ITGA7: variants seen among roughly 807,000 people sequenced by gnomAD.
ITGA7 encodes the protein integrin alpha-7.
Under a neutral mutation model 131.6 loss-of-function variants are expected in ITGA7, and 84 were observed. That is an observed-to-expected ratio of 0.64 (90% CI 0.54 to 0.77). The LOEUF (loss-of-function observed/expected upper bound fraction) is 0.77. ITGA7 is among the 30% of genes least tolerant of loss of function. The pLI is 0.00. For missense variants in ITGA7, 1,399 were observed against 1,482.9 expected, an observed-to-expected ratio of 0.94 and a Z score of 0.93; for synonymous variants, 548 against 600.7, an observed-to-expected ratio of 0.91 and a Z score of 1.28.
In ITGA7 at chr12:55,685,134, T is replaced by C. The variant is rs1869785158; in HGVS notation, c.3338A>G (p.Asp1113Gly). Residue 1113 changes from aspartate (D) to glycine (G), a missense_variant, in exon 25 of 25, where the codon GAT becomes GGT. Transcript: ENST00000257879. ...NWGSPRREGP[D>G]AHPILAADGH... is the part of the protein sequence containing the mutation. ...GTCAGCAGCCAGGATGGGGTGTGCA[T>C]CCGGGCCCTCCCGCCGGGGGCTGCC... The C allele has an allele frequency of 1.9e-6, 3 of 1,613,260 alleles. No homozygotes were observed. The African/African-American group carries it at 4.0e-5, about 21-fold the overall frequency.
At chr12:55,716,144 C>G, upstream of ITGA7, 1 of 1,612,210 alleles carries the variant, frequency 6.2e-7, no homozygotes, top group Non-Finnish European at 8.5e-7. Flanking sequence ...CCATGCTGTC[C>G]CGCCTCCTAA....
In ITGA7 at chr12:55,707,825, C is replaced by T; in HGVS notation, c.-143G>A. 1 of 1,255,618 alleles carries T rather than the reference C, an allele frequency of 8.0e-7. No individual in the cohort carries two copies. Among genetic ancestry groups the T allele is most frequent in the Non-Finnish European group, 1.1e-6 (1 of 920,410 alleles). 77.8% of individuals were successfully genotyped at this position (1,255,618 alleles called of 1,614,324 possible). On this transcript the variant is annotated 5_prime_UTR_variant, in exon 1 of 25. Transcript: ENST00000257879. ...CCCAGACGTTCGCCCCGCCAGCCCT[C>T]CCGCCCGCCCGCCGCTCCGCCACCC...
At chr12:55,706,071 G>C (rs1352148417) in intron 1 of ITGA7, among the ~76,000 whole-genome samples, 1 of 152,202 alleles carries the variant, frequency 6.6e-6, no homozygotes, top group Non-Finnish European at 1.5e-5. Context: ...ACGGAACCAG[G>C]GGCCACCTTC....
upstream of ITGA7, among the ~76,000 whole-genome samples, chr12:55,708,377 T>C (rs3852534): frequency 0.52 from 78,662 of 151,778 alleles, 21,425 homozygotes; most frequent in East Asian, 0.94. Context: ...AGAGCACTCT[T>C]TCTGCTGTTG....
chr12:55,697,875 C>T lies in ITGA7; in HGVS notation c.1282-53G>A, dbSNP rs574682742. The T allele has an allele frequency of 2.5e-6, 4 of 1,614,118 alleles. No homozygotes were observed. In the East Asian group the frequency reaches 8.9e-5, roughly 36 times the overall value. Reference sequence around the variant, plus strand: ...AATCCCACCTCCCGCAGGCCTCTGCCTCCCCTGATGCCTCTGCTGATTCCA... The same window carrying T: ...AATCCCACCTCCCGCAGGCCTCTGCTTCCCCTGATGCCTCTGCTGATTCCA... On this transcript the variant is annotated intron_variant, in intron 8 of 24. Coordinates refer to ENST00000257879, the MANE Select transcript of ITGA7 (RefSeq NM_002206.3).
At position 55,695,583 on chromosome 12, in the gene ITGA7, G is replaced by T; in HGVS notation, c.1942C>A (p.Gln648Lys). The change falls in exon 14 of 25, where the codon CAG (glutamine) becomes AAG (lysine). Residue 648 changes from glutamine to lysine, a missense_variant. Transcript: ENST00000257879. Reference protein sequence around the residue: ...GEDKICQSNLQLVRARFCTRV... With the variant: ...GEDKICQSNLKLVRARFCTRV... ...GTACAGAAGCGGGCGCGGACCAGCT[G>T]CAGATTGCTCTGGCAGATCTTGTCT... is the stretch of plus-strand genomic sequence containing the variant. 2 of 1,613,968 alleles carry T rather than the reference G, an allele frequency of 1.2e-6. No homozygotes were observed. The highest frequency in any genetic ancestry group is 1.7e-6 in the Non-Finnish European group (2 of 1,179,960).
At chr12:55,701,530 G>A in intron 3 of ITGA7, 1 of 965,428 alleles carries the variant, frequency 1.0e-6, no homozygotes, top group South Asian at 1.4e-5. Context: ...CTTTGTAAGT[G>A]TCACCATCTC....
At chr12:55,703,217 T>A in intron 1 of ITGA7, 39 bp from the exon 2 acceptor site, 1 of 1,599,954 alleles carries the variant, frequency 6.3e-7, no homozygotes, top group Non-Finnish European at 8.5e-7. Context: ...GGACAGGAGT[T>A]AGAGGTCAGA....
At position 55,697,706 on chromosome 12, in the gene ITGA7, T is replaced by C. The variant is rs2136027129; in HGVS notation, c.1398A>G (p.Ala466=). Residue 466 remains alanine (A), a synonymous_variant, in exon 9 of 25, where the codon GCA becomes GCG. Transcript: ENST00000257879. ...TGAGAGGGGCTCACCTGAAGAGCAC[T>C]GCGGTGTCAGCCAGGGAGCCCACCA... The part of the protein sequence containing the change: ...DLLVGSLADT[A]VLFRARPILH... The C allele has an allele frequency of 6.2e-7, 1 of 1,614,146 alleles. No homozygotes were observed. Among genetic ancestry groups the C allele is most frequent in the Non-Finnish European group, 8.5e-7 (1 of 1,180,010 alleles).
Position 55,702,798 on chromosome 12 carries a change from G to A in ITGA7, c.414+74C>T, listed in dbSNP as rs146267078. 46 of 1,246,712 alleles carry A rather than the reference G, an allele frequency of 3.7e-5. No homozygotes were observed. The African/African-American group carries it at 4.8e-4, about 13-fold the overall frequency. 77.2% of individuals were successfully genotyped at this position (1,246,712 alleles called of 1,614,324 possible). On this transcript the variant is annotated intron_variant, in intron 3 of 24. Transcript: ENST00000257879. ...ACTTGTGTTCTCTAAGCACACCTAT[G>A]CGTATGCACACACCATAAACACACA...
chr12:55,688,553 C>G (rs187940171), intron 22 of ITGA7, among the ~76,000 whole-genome samples: 1 of 152,112 alleles, frequency 6.6e-6, no homozygotes, highest in Non-Finnish European at 1.5e-5. Context: ...GGCAAAACCC[C>G]GTCTCTATGA....
At chr12:55,700,244 C>T (rs1873666406) in intron 4 of ITGA7, 1 of 1,595,126 alleles carries the variant, frequency 6.3e-7, no homozygotes, top group African/African-American at 1.4e-5. Flanking sequence ...CAGTTCTGGG[C>T]CGGGGAGAGG....
At chr12:55,686,370 A>G (rs1870147798) in intron 24 of ITGA7, 13 of 1,073,214 alleles carry the variant, frequency 1.2e-5, no homozygotes, top group South Asian at 1.3e-5. Context: ...AAGATTGAGG[A>G]AGGACAGGAT....
At chr12:55,685,870 C>A (rs748527006) in intron 24 of ITGA7, among the ~76,000 whole-genome samples, 3 of 152,186 alleles carry the variant, frequency 2.0e-5, no homozygotes, top group Non-Finnish European at 4.4e-5. Context: ...CTCAGAGGCC[C>A]AGGACTCCTA....
chr12:55,685,343 G>A lies in ITGA7; in HGVS notation c.3184-55C>T, dbSNP rs3741505. 4.1e-5 allele frequency: 62 copies of A among 1,514,174 alleles called. 1 individual carries two copies. In the East Asian group the frequency reaches 1.4e-3, roughly 34 times the overall value. The allele number at this position is 1,514,174 out of a possible 1,614,324, so 93.8% of individuals were successfully genotyped here. A position where few individuals can be genotyped will look rare whatever the true frequency, so the allele number is the denominator to read the frequency against. On this transcript the variant is annotated intron_variant, in intron 24 of 24. Transcript: ENST00000257879. The stretch of plus-strand genomic sequence containing the variant: ...AGCCTGAAGAGCTGCGGTCCCTGGA[G>A]CAGATGCCTAGCGCGGCACAGCTCC...
chr12:55,697,494 T>A lies in ITGA7; in HGVS notation c.1462A>T (p.Ile488Phe), dbSNP rs1270485732. The stretch of plus-strand genomic sequence containing the variant: ...GCACAGTTGGGCTGCTCCAGGTCGA[T>A]GCTTCGTGGAGCAATAGAGACCTCA... ...SHEVSIAPRS[I>F]DLEQPNCAGG... Residue 488 changes from isoleucine (I) to phenylalanine (F), a missense_variant, in exon 10 of 25, where the codon ATC becomes TTC. Coordinates refer to ENST00000257879, the MANE Select transcript of ITGA7 (RefSeq NM_002206.3). 1.2e-6 allele frequency: 2 copies of A among 1,614,130 alleles called. No homozygotes were observed. Among genetic ancestry groups the A allele is most frequent in the Admixed American group, 3.3e-5 (2 of 60,030 alleles).
chr12:55,700,949 G>T lies in ITGA7; in HGVS notation c.620C>A (p.Pro207His). Residue 207 changes from proline to histidine, a missense_variant, in exon 4 of 25, where the codon CCT (proline) becomes CAT (histidine). Transcript: ENST00000257879. ...CQQGTAAAFS[P>H]DSHYLLFGAP... Reference sequence around the variant, plus strand: ...CCCAAAGAGGAGGTAGTGGCTATCAGGGGAGAAGGCGGCAGCTGTGCCCTG... The same window carrying T: ...CCCAAAGAGGAGGTAGTGGCTATCATGGGAGAAGGCGGCAGCTGTGCCCTG... 6.2e-7 allele frequency: 1 copy of T among 1,614,250 alleles called. No homozygotes were observed. Among genetic ancestry groups the T allele is most frequent in the Non-Finnish European group, 8.5e-7 (1 of 1,180,040 alleles).
In ITGA7 at chr12:55,698,723, G is replaced by T; in HGVS notation, c.985C>A (p.Leu329Ile). 1 of 1,614,064 alleles carries T rather than the reference G, an allele frequency of 6.2e-7. No homozygotes were observed. The highest frequency in any genetic ancestry group is 1.1e-5 in the South Asian group (1 of 91,084). The stretch of plus-strand genomic sequence containing the variant: ...CTACCCACTCACCCATCACTGTTGA[G>T]GTCAGCCACAGCCAGTGAGTAGCCA... ...GFGYSLAVAD[L>I]NSDGWPDLIV... Residue 329 changes from leucine to isoleucine, a missense_variant, in exon 6 of 25, where the codon CTC becomes ATC. Transcript: ENST00000257879.
At chr12:55,710,169 G>A (rs553713154), upstream of ITGA7, among the ~76,000 whole-genome samples, 47 of 151,752 alleles carry the variant, frequency 3.1e-4, no homozygotes, top group South Asian at 7.7e-3. Context: ...AAGACCAGCC[G>A]GACCAACACG....
Sources: gnomAD v4.1 joint callset for allele counts (sites outside exome capture counted in the v4.1 genomes callset) on GRCh38, gnomAD v4.1.1 for gene constraint, MANE v1.5 for transcripts, NCBI Gene and HGNC (gene_info 2026-07-23, HGNC 2026-07-21) for gene names.